Variants in STEAP4 observed in about 807,000 individuals in gnomAD.
The protein encoded by STEAP4 is metalloreductase STEAP4.
STEAP4 carries 36 observed loss-of-function variants against 43.6 expected under a neutral mutation model. The observed-to-expected ratio is 0.83, with a 90% CI of 0.63 to 1.09. The LOEUF is 1.09. Ranked by LOEUF, STEAP4 falls within the 50% of genes least tolerant of loss-of-function variation. The pLI, the probability that STEAP4 is intolerant of heterozygous loss-of-function variation, is 0.00. For synonymous variants in STEAP4, 191 were observed against 196.7 expected, an observed-to-expected ratio of 0.97 and a Z score of 0.24; for missense variants, 495 against 546.5, an observed-to-expected ratio of 0.91 and a Z score of 0.94.
In STEAP4 at chr7:88,277,247, C is replaced by A. The variant is rs565794400; in HGVS notation, c.*2151G>T. The A allele has an allele frequency of 2.0e-5, 3 of 152,142 alleles. No individual in the cohort carries two copies. The South Asian group carries it at 6.2e-4, about 32-fold the overall frequency. The allele number at this position is 152,142 out of a possible 1,614,324, so 9.4% of individuals were successfully genotyped here. Reference sequence around the variant, plus strand: ...CGTATACCATGACTCTACTCAATGTCGTCCAACTTTTTGTATCCTTGCTTG... The same window carrying A: ...CGTATACCATGACTCTACTCAATGTAGTCCAACTTTTTGTATCCTTGCTTG... On this transcript the variant is annotated 3_prime_UTR_variant, in exon 5 of 5. Transcript: ENST00000380079.
At chr7:88,299,967 G>A (rs1853002546) in intron 1 of STEAP4, among the ~76,000 whole-genome samples, 1 of 152,068 alleles carries the variant, frequency 6.6e-6, no homozygotes, top group African/African-American at 2.4e-5. Flanking sequence ...TTCTAATACG[G>A]CACTCAGAGG....
Position 88,271,445 on chromosome 7 carries a change from G to C in STEAP4, c.*7953C>G, listed in dbSNP as rs1852437771. 1 of 151,966 alleles carries C rather than the reference G, an allele frequency of 6.6e-6. No individual in the cohort carries two copies. The highest frequency in any genetic ancestry group is 2.4e-5 in the African/African-American group (1 of 41,426). 9.4% of individuals were successfully genotyped at this position (151,966 alleles called of 1,614,324 possible). A position where few individuals can be genotyped will look rare whatever the true frequency, so the allele number is the denominator to read the frequency against. On this transcript the variant is annotated 3_prime_UTR_variant, in exon 5 of 5. Coordinates refer to ENST00000380079, the MANE Select transcript of STEAP4 (RefSeq NM_024636.4). Reference sequence around the variant, plus strand: ...TTTGTACCTTTTTAAAAACTGAACAGTATATTTTGGACATCTTTCCATATA... The same window carrying C: ...TTTGTACCTTTTTAAAAACTGAACACTATATTTTGGACATCTTTCCATATA...
intron 1 of STEAP4, among the ~76,000 whole-genome samples, chr7:88,301,756 G>T (rs1420813327): frequency 6.6e-6 from 1 of 151,790 alleles, no homozygotes; most frequent in Non-Finnish European, 1.5e-5. Flanking sequence ...TTGTATTTTT[G>T]GTAGAGATGT....
At chr7:88,306,128 C>G (rs2116046314) in intron 1 of STEAP4, among the ~76,000 whole-genome samples, 1 of 152,358 alleles carries the variant, frequency 6.6e-6, no homozygotes, top group East Asian at 1.9e-4. Flanking sequence ...CTTGGCCTCC[C>G]AAAGTGTTGG....
intron 1 of STEAP4, among the ~76,000 whole-genome samples, chr7:88,294,757 A>C (rs571341538): frequency 1.3e-5 from 2 of 152,180 alleles, no homozygotes; most frequent in Non-Finnish European, 1.5e-5. Flanking sequence ...AAAGATAAAA[A>C]TATATAAATA....
At position 88,283,854 on chromosome 7, in the gene STEAP4, G is replaced by A; in HGVS notation, c.416C>T (p.Ala139Val). 1 of 1,614,100 alleles carries A rather than the reference G, an allele frequency of 6.2e-7. No individual in the cohort carries two copies. Among genetic ancestry groups the A allele is most frequent in the South Asian group, 1.1e-5 (1 of 91,084 alleles). ...HVVKAFNTIS[A>V]WALQSGALDA... ...CAGTGCTCCTGACTGGAGAGCCCAG[G>A]CTGAGATGGTGTTAAATGCTTTTAC... The change falls in exon 2 of 5, where the codon GCC becomes GTC. Residue 139 changes from alanine to valine, a missense_variant. By Grantham distance (64) the Ala-to-Val change is moderately conservative. Coordinates refer to ENST00000380079, the MANE Select transcript of STEAP4 (RefSeq NM_024636.4).
At chr7:88,297,447 C>T (rs1481278051) in intron 1 of STEAP4, among the ~76,000 whole-genome samples, 1 of 152,004 alleles carries the variant, frequency 6.6e-6, no homozygotes, top group Admixed American at 6.6e-5. Flanking sequence ...ATAAATCTCT[C>T]CAAGGAGGTG....
intron 1 of STEAP4, among the ~76,000 whole-genome samples, chr7:88,287,610 G>T (rs1304433700): frequency 6.6e-6 from 1 of 152,162 alleles, no homozygotes; most frequent in African/African-American, 2.4e-5. Flanking sequence ...GGTCAGGTTG[G>T]AGATAGAATT....
At chr7:88,290,406 G>T (rs1423972043) in intron 1 of STEAP4, 3 of 152,080 alleles carry the variant, frequency 2.0e-5, no homozygotes, top group Non-Finnish European at 1.5e-5. Flanking sequence ...GCAAAAATCA[G>T]CTAATGACCA....
intron 1 of STEAP4, among the ~76,000 whole-genome samples, chr7:88,302,943 G>A (rs1157218492): frequency 9.7e-6 from 1 of 102,872 alleles, no homozygotes; most frequent in Non-Finnish European, 1.7e-5. Context: ...GAAGGAGTGA[G>A]ACTGTCTCAA....
In STEAP4 at chr7:88,277,753, G is replaced by C. The variant is rs937422972; in HGVS notation, c.*1645C>G. On this transcript the variant is annotated 3_prime_UTR_variant, in exon 5 of 5. Transcript: ENST00000380079. ...CACATGCCTGTAGTCCCAGCTACTC[G>C]GGAGGCTGATGAACAAGAATCACTT... 2.0e-5 allele frequency: 3 copies of C among 152,178 alleles called. No homozygotes were observed. The highest frequency in any genetic ancestry group is 4.4e-5 in the Non-Finnish European group (3 of 68,092). 9.4% of individuals were successfully genotyped at this position (152,178 alleles called of 1,614,324 possible).
intron 1 of STEAP4, among the ~76,000 whole-genome samples, chr7:88,296,739 CG>C (rs1405282293): frequency 3.9e-4 from 60 of 152,150 alleles, no homozygotes; most frequent in Non-Finnish European, 7.2e-4. Flanking sequence ...AAAACACAAA[CG>C]TATCCAATTT....
chr7:88,291,962 C>T (rs17259058), intron 1 of STEAP4, among the ~76,000 whole-genome samples: 1 of 151,968 alleles, frequency 6.6e-6, no homozygotes, highest in African/African-American at 2.4e-5. Context: ...AGCCAAGATG[C>T]GTAAAGTGAT....
chr7:88,295,282 T>C (rs1336394629), intron 1 of STEAP4, among the ~76,000 whole-genome samples: 1 of 152,182 alleles, frequency 6.6e-6, no homozygotes, highest in Non-Finnish European at 1.5e-5. Context: ...TCTTTAATCA[T>C]TGAAGCAACT....
rs1448220765 is a variant in STEAP4, at chr7:88,278,993, T to C, written c.*405A>G. 1 of 198,092 alleles carries C rather than the reference T, an allele frequency of 5.0e-6. No homozygotes were observed. Among genetic ancestry groups the C allele is most frequent in the Non-Finnish European group, 1.1e-5 (1 of 94,064 alleles). 12.3% of individuals were successfully genotyped at this position (198,092 alleles called of 1,614,324 possible). A position where few individuals can be genotyped will look rare whatever the true frequency, so the allele number is the denominator to read the frequency against. On this transcript the variant is annotated 3_prime_UTR_variant, in exon 5 of 5. Coordinates refer to ENST00000380079, the MANE Select transcript of STEAP4 (RefSeq NM_024636.4). ...ATAAAGCCTTTATCAGTGGTCACCA[T>C]TGTGCTGTTTTTCCTTTCACTTAAC...
intron 1 of STEAP4, among the ~76,000 whole-genome samples, chr7:88,286,764 AACACACACACACACACACAC>A (rs61360123): frequency 1.5e-5 from 2 of 133,768 alleles, no homozygotes; most frequent in African/African-American, 2.8e-5. Flanking sequence ...CATACATATA[AACACACACACACACACACAC>A]ACACACACAC....
intron 1 of STEAP4, among the ~76,000 whole-genome samples, chr7:88,300,869 G>C (rs976649862): frequency 4.1e-5 from 6 of 147,740 alleles, no homozygotes; most frequent in Admixed American, 6.7e-5. Flanking sequence ...TTCTTACAAG[G>C]CTCCTAAGTT....
chr7:88,289,041 T>C (rs1852790528), intron 1 of STEAP4, among the ~76,000 whole-genome samples: 1 of 151,874 alleles, frequency 6.6e-6, no homozygotes, highest in South Asian at 2.1e-4. Flanking sequence ...ATCTTTTATT[T>C]TTTTTGGTGC....
rs1366291881 is a variant in STEAP4 at position 88,279,519 on chromosome 7, T to C, written c.1259A>G (p.Tyr420Cys). Residue 420 changes from tyrosine to cysteine, a missense_variant, in exon 5 of 5, where the codon TAC becomes TGC. By Grantham distance (194) the Tyr-to-Cys change is radical. Coordinates refer to ENST00000380079, the MANE Select transcript of STEAP4 (RefSeq NM_024636.4). ...GCAAGGAATGATAAGCCCTAACACG[T>C]AGGCTGCAGGAAGATACCATCTGAG... Reference protein sequence around the residue: ...SNLRWYLPAAYVLGLIIPCTV... With the variant: ...SNLRWYLPAACVLGLIIPCTV... The C allele has an allele frequency of 1.9e-6, 3 of 1,614,148 alleles. No individual in the cohort carries two copies. The highest frequency in any genetic ancestry group is 2.2e-5 in the East Asian group (1 of 44,878).
Sources: gnomAD v4.1 joint callset for allele counts (sites outside exome capture counted in the v4.1 genomes callset) on GRCh38, gnomAD v4.1.1 for gene constraint, MANE v1.5 for transcripts, NCBI Gene and HGNC (gene_info 2026-07-23, HGNC 2026-07-21) for gene names.